PRRC2B: variants seen among roughly 807,000 people sequenced by gnomAD.
The protein encoded by PRRC2B is proline rich coiled-coil 2B, also known as protein PRRC2B.
In PRRC2B, 68 loss-of-function variants were observed where a neutral mutation model predicts 242.3. The observed-to-expected ratio is 0.28, with a 90% CI of 0.23 to 0.34. The LOEUF (loss-of-function observed/expected upper bound fraction) is 0.34. PRRC2B is among the 10% of genes least tolerant of loss of function. PRRC2B has a pLI of 1.00. For missense variants in PRRC2B, 2,835 were observed against 2,954.8 expected, an observed-to-expected ratio of 0.96 and a Z score of 0.94; for synonymous variants, 1,228 against 1,173.6, an observed-to-expected ratio of 1.05 and a Z score of -0.95.
chr9:131,402,072 C>T (rs567304283), intron 1 of PRRC2B, among the ~76,000 whole-genome samples: 2 of 151,028 alleles, frequency 1.3e-5, no homozygotes, highest in South Asian at 2.1e-4. Context: ...CGGGTTCAAG[C>T]GATTCTCCTG....
intron 30 of PRRC2B, among the ~76,000 whole-genome samples, chr9:131,493,846 C>T (rs1211279599): frequency 6.6e-6 from 1 of 152,006 alleles, no homozygotes; most frequent in Non-Finnish European, 1.5e-5. Context: ...CTGCACACGG[C>T]ACTTAGGCTT....
At chr9:131,450,101 A>G (rs1188482685) in intron 9 of PRRC2B, among the ~76,000 whole-genome samples, 10 of 152,194 alleles carry the variant, frequency 6.6e-5, no homozygotes, top group Non-Finnish European at 1.5e-4. Context: ...CTGTGGGTTT[A>G]TAGTAAATCT....
chr9:131,440,383 C>T (rs2994059), intron 5 of PRRC2B, among the ~76,000 whole-genome samples: 133,929 of 152,106 alleles, frequency 0.88, 59,501 homozygotes, highest in South Asian at 0.97. Context: ...CAATAGCTCA[C>T]TGCAACCTCC....
chr9:131,491,075 C>G, intron 28 of PRRC2B: 1 of 252,880 alleles, frequency 4.0e-6, no homozygotes, highest in Non-Finnish European at 7.6e-6. Context: ...TAAGCACTTG[C>G]TGGACAAAGG....
At chr9:131,485,814 G>T in intron 25 of PRRC2B, 1 of 709,532 alleles carries the variant, frequency 1.4e-6, no homozygotes, top group South Asian at 1.4e-5. Flanking sequence ...GTGAGTGGGA[G>T]GTGGGAAGGG....
intron 5 of PRRC2B, among the ~76,000 whole-genome samples, chr9:131,441,293 C>T (rs1838563785): frequency 6.6e-6 from 1 of 152,172 alleles, no homozygotes; most frequent in Non-Finnish European, 1.5e-5. Flanking sequence ...GAGAGGAAGG[C>T]TTCTGTGTCT....
At chr9:131,424,185 G>C (rs751128439) in intron 1 of PRRC2B, among the ~76,000 whole-genome samples, 2 of 152,120 alleles carry the variant, frequency 1.3e-5, no homozygotes, top group Non-Finnish European at 2.9e-5. Context: ...CAAGTGATCC[G>C]CCTGCTTCAG....
intron 13 of PRRC2B, 63 bp downstream of exon 13, chr9:131,467,816 C>G (rs1020771180): frequency 1.3e-6 from 2 of 1,528,006 alleles, no homozygotes; most frequent in Non-Finnish European, 9.0e-7. Flanking sequence ...AGATGTTTCC[C>G]CTCCTCGTCC....
rs147755601 is a variant in PRRC2B at position 131,399,926 on chromosome 9, C to T, written c.-52+5663C>T. ...AGAGAAACTGTAGGGAGCATCTCGG[C>T]ATGTTAAGTCTTGGTCCACGTGGCT... On this transcript the variant is annotated intron_variant, in intron 1 of 31. Coordinates refer to ENST00000683519, the MANE Select transcript of PRRC2B (RefSeq NM_013318.4). Among the ~76,000 whole-genome samples the T allele has an allele frequency of 1.8e-3, 272 of 152,266 alleles. 1 individual carries two copies. Among genetic ancestry groups the T allele is most frequent in the Middle Eastern group, 6.8e-3 (2 of 294 alleles).
At chr9:131,426,895 C>G (rs1025458074) in intron 1 of PRRC2B, among the ~76,000 whole-genome samples, 1 of 152,220 alleles carries the variant, frequency 6.6e-6, no homozygotes, top group Non-Finnish European at 1.5e-5. Context: ...TGCAAACACC[C>G]TGGTATTCCT....
At position 131,394,200 on chromosome 9, in the gene PRRC2B, C is replaced by A; in HGVS notation, c.-115C>A. On this transcript the variant is annotated 5_prime_UTR_variant, in exon 1 of 32. Coordinates refer to ENST00000683519, the MANE Select transcript of PRRC2B (RefSeq NM_013318.4). ...CGCAATCCGCCGCCATCCCGCCGCC[C>A]CCGTGCCCGACCGCCGCCCGACTGC... 1 of 149,092 alleles carries A rather than the reference C, an allele frequency of 6.7e-6. No individual in the cohort carries two copies. Among genetic ancestry groups the A allele is most frequent in the South Asian group, 1.8e-4 (1 of 5,652 alleles). 9.2% of individuals were successfully genotyped at this position (149,092 alleles called of 1,614,324 possible).
intron 12 of PRRC2B, 31 bp downstream of exon 12, chr9:131,465,109 G>T: frequency 1.3e-6 from 2 of 1,576,874 alleles, no homozygotes. Flanking sequence ...CCACCAACTG[G>T]AAACCCTGGC....
intron 5 of PRRC2B, 32 bp downstream of exon 5, chr9:131,439,093 A>G: frequency 6.3e-7 from 1 of 1,596,934 alleles, no homozygotes; most frequent in Non-Finnish European, 8.6e-7. Context: ...TTGTTTGGGG[A>G]CGCTGGGGAG....
chr9:131,481,719 C>G lies in PRRC2B; in HGVS notation c.4901-7C>G. 1 of 1,557,928 alleles carries G rather than the reference C, an allele frequency of 6.4e-7. No individual in the cohort carries two copies. ...GATGCCCTGACTCTGTCTTCCTCCC[C>G]TGGCAGCTCTCCCTGTGCAGGCCCC... On this transcript the variant is annotated splice_polypyrimidine_tract_variant and splice_region_variant and intron_variant, in intron 19 of 31. Transcript: ENST00000683519.
chr9:131,484,802 C>T lies in PRRC2B; in HGVS notation c.5565+12C>T. The T allele has an allele frequency of 6.3e-7, 1 of 1,597,310 alleles. No homozygotes were observed. The highest frequency in any genetic ancestry group is 8.5e-7 in the Non-Finnish European group (1 of 1,169,680). On this transcript the variant is annotated intron_variant, in intron 24 of 31. Coordinates refer to ENST00000683519, the MANE Select transcript of PRRC2B (RefSeq NM_013318.4). The stretch of plus-strand genomic sequence containing the variant: ...ACCTTACTCTGAAGGTAACACCAGC[C>T]CTGAGCTGGGTGAGGGCCCACCCAG...
At chr9:131,424,748 G>T (rs1388708700) in intron 1 of PRRC2B, among the ~76,000 whole-genome samples, 1 of 152,202 alleles carries the variant, frequency 6.6e-6, no homozygotes, top group Non-Finnish European at 1.5e-5. Flanking sequence ...AGCAGGTTAA[G>T]TGCAGATGTT....
chr9:131,444,945 T>A (rs1191760213), intron 6 of PRRC2B, among the ~76,000 whole-genome samples: 2 of 152,188 alleles, frequency 1.3e-5, no homozygotes, highest in Non-Finnish European at 2.9e-5. Context: ...TTCCACGTGT[T>A]CTACTCAGGG....
intron 1 of PRRC2B, among the ~76,000 whole-genome samples, chr9:131,420,015 C>G (rs745669944): frequency 3.3e-5 from 5 of 152,228 alleles, no homozygotes; most frequent in Non-Finnish European, 5.9e-5. Context: ...GCTGGAGAAC[C>G]CCCCAGTTCT....
At chr9:131,408,948 A>G (rs932324582) in intron 1 of PRRC2B, among the ~76,000 whole-genome samples, 4 of 148,460 alleles carry the variant, frequency 2.7e-5, no homozygotes, top group African/African-American at 1.0e-4. Context: ...CAAACTCCCA[A>G]CCTCAGGTGA....
Sources: gnomAD v4.1 joint callset for allele counts (sites outside exome capture counted in the v4.1 genomes callset) on GRCh38, gnomAD v4.1.1 for gene constraint, MANE v1.5 for transcripts, NCBI Gene and HGNC (gene_info 2026-07-23, HGNC 2026-07-21) for gene names.